The following MECOM variants were observed in gnomAD, a reference collection of about 807,000 sequenced individuals.
The protein encoded by MECOM is MDS1 and EVI1 complex locus.
A neutral mutation model predicts 116.3 loss-of-function variants in MECOM; 13 were observed. The ratio of observed to expected loss-of-function variants is 0.11; its 90% CI spans 0.07 to 0.18. The LOEUF is 0.18. Among genes scored for constraint, MECOM ranks in the 10% least tolerant of loss-of-function variants. MECOM has a pLI of 1.00. For missense variants in MECOM, 1,299 were observed against 1,509.0 expected (o/e 0.86, Z 2.31); for synonymous variants, 528 against 535.2 (o/e 0.99, Z 0.19).
chr3:169,644,107 T>C (rs1208787730), intron 1 of MECOM, among the ~76,000 whole-genome samples: 1 of 152,188 alleles, frequency 6.6e-6, no homozygotes, highest in Non-Finnish European at 1.5e-5. Flanking sequence ...AAAACTCCTC[T>C]TGCACCATAA....
chr3:169,211,226 ATC>A (rs1460347821), intron 2 of MECOM, among the ~76,000 whole-genome samples: 2 of 152,228 alleles, frequency 1.3e-5, no homozygotes, highest in African/African-American at 4.8e-5. Context: ...AACGTGTGCG[ATC>A]TCTCTCTTTT....
At chr3:169,390,507 A>G (rs1209163319) in intron 1 of MECOM, among the ~76,000 whole-genome samples, 1 of 152,138 alleles carries the variant, frequency 6.6e-6, no homozygotes, top group Non-Finnish European at 1.5e-5. Flanking sequence ...TATGTTGTTG[A>G]TGGTGGTTTC....
chr3:169,232,550 A>G (rs546205735), intron 2 of MECOM, among the ~76,000 whole-genome samples: 112 of 152,168 alleles, frequency 7.4e-4, no homozygotes, highest in Admixed American at 1.5e-3. Flanking sequence ...AAACACCAAC[A>G]AAGAGTTACA....
chr3:169,229,520 C>T (rs1753125226), intron 2 of MECOM, among the ~76,000 whole-genome samples: 1 of 152,026 alleles, frequency 6.6e-6, no homozygotes, highest in African/African-American at 2.4e-5. Context: ...TGGTCACTAG[C>T]CAGGGAGTTA....
chr3:169,213,033 A>C (rs115905181), intron 2 of MECOM, among the ~76,000 whole-genome samples: 1 of 151,482 alleles, frequency 6.6e-6, no homozygotes, highest in Non-Finnish European at 1.5e-5. Context: ...TCACTTGATT[A>C]CTGTCACATT....
intron 16 of MECOM, among the ~76,000 whole-genome samples, chr3:169,086,851 T>C (rs899273072): frequency 6.6e-6 from 1 of 152,172 alleles, no homozygotes; most frequent in African/African-American, 2.4e-5. Flanking sequence ...GACTAAAGCA[T>C]CTGAGCCTTT....
At position 169,421,680 on chromosome 3, in the gene MECOM, G is replaced by GC. The variant is rs1560253196; in HGVS notation, c.38-40157_38-40156insG. ...CAAACCAATCACTTATAGCATGTTT[G>GC]TTTTTTTAAAAAAAAAAAACAAAAC... On this transcript the variant is annotated intron_variant, in intron 1 of 16. Transcript: ENST00000651503. Among the ~76,000 whole-genome samples, 4 of 146,556 alleles carry GC rather than the reference G, an allele frequency of 2.7e-5. No individual in the cohort carries two copies. The South Asian group carries it at 6.5e-4, about 24-fold the overall frequency.
chr3:169,113,313 A>G (rs1031912595), intron 8 of MECOM, among the ~76,000 whole-genome samples: 25 of 151,922 alleles, frequency 1.6e-4, no homozygotes, highest in African/African-American at 6.0e-4. Context: ...CATATTTGTC[A>G]ATAATAGTAA....
At chr3:169,311,961 C>T (rs944950472) in intron 2 of MECOM, among the ~76,000 whole-genome samples, 5 of 152,132 alleles carry the variant, frequency 3.3e-5, no homozygotes, top group Non-Finnish European at 5.9e-5. Flanking sequence ...GTTTGAGAAG[C>T]AAGGTGGCCA....
intron 2 of MECOM, among the ~76,000 whole-genome samples, chr3:169,212,655 T>C (rs1288307570): frequency 4.7e-5 from 4 of 84,446 alleles, no homozygotes; most frequent in Admixed American, 2.1e-4. Flanking sequence ...TATATATATA[T>C]ATATATATAT....
chr3:169,176,572 T>C (rs1213513585), intron 2 of MECOM, among the ~76,000 whole-genome samples: 1 of 152,034 alleles, frequency 6.6e-6, no homozygotes, highest in East Asian at 1.9e-4. Flanking sequence ...GACTTCATGA[T>C]GAAAACACCA....
In MECOM at chr3:169,083,623, C is replaced by T. The variant is rs2148799861; in HGVS notation, c.*1286G>A. The stretch of plus-strand genomic sequence containing the variant: ...AAGTACCTCAACTTGCTGATTATTT[C>T]AAAATGAGATTACAAACAAAAAGAA... On this transcript the variant is annotated 3_prime_UTR_variant, in exon 17 of 17. Transcript: ENST00000651503. 2 of 196,234 alleles carry T rather than the reference C, an allele frequency of 1.0e-5. No homozygotes were observed. Among genetic ancestry groups the T allele is most frequent in the East Asian group, 1.6e-4 (2 of 12,514 alleles). The allele number at this position is 196,234 out of a possible 1,614,324, so 12.2% of individuals were successfully genotyped here.
chr3:169,476,741 C>T (rs999832857), intron 1 of MECOM: 7 of 151,866 alleles, frequency 4.6e-5, no homozygotes, highest in Non-Finnish European at 7.4e-5. Context: ...CTCCTGTGAC[C>T]CTAATCCACA....
chr3:169,317,316 T>C (rs1344044851), intron 2 of MECOM, among the ~76,000 whole-genome samples: 1 of 152,172 alleles, frequency 6.6e-6, no homozygotes, highest in Non-Finnish European at 1.5e-5. Context: ...GCTTTAAAAA[T>C]GTGGCTGGAG....
At chr3:169,383,577 CTAAATATTTTCATAGTCCTT>C (rs1308951480) in intron 1 of MECOM, among the ~76,000 whole-genome samples, 1 of 152,138 alleles carries the variant, frequency 6.6e-6, no homozygotes, top group Non-Finnish European at 1.5e-5. Context: ...ATTTTCACAC[CTAAATATTTTCATAGTCCTT>C]TAAATGGGTC....
chr3:169,542,783 G>T (rs1346324003), intron 1 of MECOM, among the ~76,000 whole-genome samples: 1 of 152,140 alleles, frequency 6.6e-6, no homozygotes, highest in Non-Finnish European at 1.5e-5. Context: ...CCTAACTGCT[G>T]CATCCACCCA....
At chr3:169,237,348 C>A (rs1207002577) in intron 2 of MECOM, among the ~76,000 whole-genome samples, 2 of 152,034 alleles carry the variant, frequency 1.3e-5, no homozygotes, top group African/African-American at 4.8e-5. Context: ...AGAGTCAGAA[C>A]TCTTGTCTGA....
At chr3:169,572,921 T>C (rs567554653) in intron 1 of MECOM, among the ~76,000 whole-genome samples, 1 of 152,142 alleles carries the variant, frequency 6.6e-6, no homozygotes, top group African/African-American at 2.4e-5. Flanking sequence ...GGCACGTGTA[T>C]ACCTTTGTAA....
At chr3:169,614,038 C>G (rs914958611) in intron 1 of MECOM, among the ~76,000 whole-genome samples, 3 of 152,020 alleles carry the variant, frequency 2.0e-5, no homozygotes, top group Non-Finnish European at 2.9e-5. Context: ...ATTAATTCAT[C>G]TCATTTCACC....
Sources: gnomAD v4.1 joint callset for allele counts (sites outside exome capture counted in the v4.1 genomes callset) on GRCh38, gnomAD v4.1.1 for gene constraint, MANE v1.5 for transcripts, NCBI Gene and HGNC (gene_info 2026-07-23, HGNC 2026-07-21) for gene names.